The following COX6B1 variants were observed in gnomAD, a reference collection of about 807,000 sequenced individuals.
COX6B1 encodes the protein COX VIb-1.
Under a neutral mutation model 14.0 loss-of-function variants are expected in COX6B1, and 2 were observed. The observed-to-expected ratio is 0.14, with a 90% CI of 0.06 to 0.45. The LOEUF is 0.45. Ranked by LOEUF, COX6B1 falls within the 20% of genes least tolerant of loss-of-function variation. The probability of loss-of-function intolerance (pLI) is 0.98; values close to 1 mark genes in which losing one functional copy is unlikely to be tolerated. For synonymous variants in COX6B1, 30 were observed against 39.7 expected, an observed-to-expected ratio of 0.76 and a Z score of 0.92; for missense variants, 81 against 114.2, an observed-to-expected ratio of 0.71 and a Z score of 1.33.
intron 3 of COX6B1, among the ~76,000 whole-genome samples, chr19:35,658,049 C>G (rs752903206): frequency 1.3e-5 from 2 of 152,152 alleles, no homozygotes; most frequent in South Asian, 2.1e-4. Context: ...ACATCGGCCC[C>G]GCAAAGTGCT....
At chr19:35,656,105 T>TA (rs1967886447) in intron 3 of COX6B1, among the ~76,000 whole-genome samples, 1 of 152,018 alleles carries the variant, frequency 6.6e-6, no homozygotes, top group Admixed American at 6.6e-5. Context: ...GCTGGGATTA[T>TA]AGGCATGAGC....
Position 35,658,741 on chromosome 19 carries a change from A to C in COX6B1, c.*94A>C. The C allele has an allele frequency of 8.9e-7, 1 of 1,127,890 alleles. No homozygotes were observed. The highest frequency in any genetic ancestry group is 1.3e-6 in the Non-Finnish European group (1 of 742,572). 69.9% of individuals were successfully genotyped at this position (1,127,890 alleles called of 1,614,324 possible). A position where few individuals can be genotyped will look rare whatever the true frequency, so the allele number is the denominator to read the frequency against. On this transcript the variant is annotated 3_prime_UTR_variant, in exon 4 of 4. Transcript: ENST00000649813. ...CAGTGATCCCCACCCCAGGATCCTA[A>C]ATCATGACTTACCTGCTAATAAAAA...
intron 2 of COX6B1, among the ~76,000 whole-genome samples, chr19:35,653,735 C>A (rs942304069): frequency 6.6e-6 from 1 of 151,676 alleles, no homozygotes; most frequent in East Asian, 1.9e-4. Context: ...TGCCCGCCAC[C>A]GCGCCCAGCT....
At chr19:35,648,676 G>A (rs1050411704) in intron 1 of COX6B1, 3 of 377,442 alleles carry the variant, frequency 7.9e-6, no homozygotes, top group Non-Finnish European at 1.1e-5. Flanking sequence ...CAGTAAACAG[G>A]CTCAGAGATA....
intron 2 of COX6B1, among the ~76,000 whole-genome samples, chr19:35,651,584 T>A (rs1164605480): frequency 2.0e-5 from 3 of 152,166 alleles, no homozygotes; most frequent in Non-Finnish European, 4.4e-5. Context: ...GTTTTGTTTT[T>A]TTCCAGAGAT....
At chr19:35,648,758 G>A (rs1967788910) in intron 1 of COX6B1, 6 of 495,912 alleles carry the variant, frequency 1.2e-5, no homozygotes, top group Non-Finnish European at 2.5e-5. Context: ...GGCTCTTCAT[G>A]GCTAATTCAC....
chr19:35,652,865 C>T (rs1260593460), intron 2 of COX6B1, among the ~76,000 whole-genome samples: 1 of 151,948 alleles, frequency 6.6e-6, no homozygotes, highest in Non-Finnish European at 1.5e-5. Flanking sequence ...ATGGCACGAT[C>T]TCAGCTCATT....
chr19:35,651,394 G>C, intron 2 of COX6B1, 45 bp downstream of exon 2: 1 of 1,464,824 alleles, frequency 6.8e-7, no homozygotes, highest in South Asian at 1.1e-5. Context: ...GTCACTCACC[G>C]CTTGCCTCTT....
At chr19:35,648,509 G>C (rs546810635) in intron 1 of COX6B1, 106 bp downstream of exon 1, 2 of 220,454 alleles carry the variant, frequency 9.1e-6, no homozygotes, top group Non-Finnish European at 1.9e-5. Flanking sequence ...GCGGCGTCCG[G>C]CCTCCCTGGA....
chr19:35,651,222 T>C lies in COX6B1; in HGVS notation c.-11-11T>C. Reference sequence around the variant, plus strand: ...GGGGCCCCTGCTGACACCCACTCCTTTCGCCTCCAGGATTCAGCACCATGG... The same window carrying C: ...GGGGCCCCTGCTGACACCCACTCCTCTCGCCTCCAGGATTCAGCACCATGG... On this transcript the variant is annotated splice_polypyrimidine_tract_variant and intron_variant, in intron 1 of 3. Transcript: ENST00000649813. 4 of 1,600,580 alleles carry C rather than the reference T, an allele frequency of 2.5e-6. No individual in the cohort carries two copies. Among genetic ancestry groups the C allele is most frequent in the Non-Finnish European group, 3.4e-6 (4 of 1,168,088 alleles).
chr19:35,654,597 A>G lies in COX6B1; in HGVS notation c.133A>G (p.Thr45Ala), dbSNP rs1259331800. The G allele has an allele frequency of 1.2e-6, 2 of 1,614,074 alleles. No individual in the cohort carries two copies. The highest frequency in any genetic ancestry group is 2.2e-5 in the South Asian group (2 of 91,084). ...LDFHRCQKAMTAKGGDISVCE... is the reference protein window; with the variant it reads ...LDFHRCQKAMAAKGGDISVCE... ...CTTCCACCGCTGTCAGAAGGCAATG[A>G]CCGCTAAAGGAGGCGATATCTCTGT... The change falls in exon 3 of 4, where the codon ACC (threonine) becomes GCC (alanine). Residue 45 changes from threonine (T) to alanine (A), a missense_variant. Physicochemically the swap from Thr to Ala is moderately conservative, Grantham distance 58. Coordinates refer to ENST00000649813, the MANE Select transcript of COX6B1 (RefSeq NM_001863.5).
chr19:35,657,761 G>A (rs1216762852), intron 3 of COX6B1, among the ~76,000 whole-genome samples: 2 of 149,300 alleles, frequency 1.3e-5, no homozygotes, highest in Non-Finnish European at 3.0e-5. Flanking sequence ...GGTTCAAGCA[G>A]TTCTCCCACC....
At chr19:35,648,914 G>T (rs1387037917) in intron 1 of COX6B1, 2 of 533,054 alleles carry the variant, frequency 3.8e-6, no homozygotes, top group African/African-American at 3.9e-5. Flanking sequence ...CGCCGGTAAC[G>T]ATCCTTCCTA....
chr19:35,657,017 A>G (rs1376488652), intron 3 of COX6B1, among the ~76,000 whole-genome samples: 1 of 152,072 alleles, frequency 6.6e-6, no homozygotes, highest in Non-Finnish European at 1.5e-5. Context: ...CCTTTTTGGC[A>G]CCAGGGATGA....
At chr19:35,651,100 G>A in intron 1 of COX6B1, 133 bp from the exon 2 acceptor site, 1 of 699,966 alleles carries the variant, frequency 1.4e-6, no homozygotes, top group Non-Finnish European at 2.6e-6. Context: ...TCATCTCTGT[G>A]TATGTTGAGA....
rs898246852 is a variant in COX6B1, at chr19:35,658,771, T to C, written c.*124T>C. ...TGACTTACCTGCTAATAAAAACTCA[T>C]TGGAAAAGTGAGACTATGCGTGTGA... On this transcript the variant is annotated 3_prime_UTR_variant, in exon 4 of 4. Coordinates refer to ENST00000649813, the MANE Select transcript of COX6B1 (RefSeq NM_001863.5). 1.8e-5 allele frequency: 16 copies of C among 902,306 alleles called. No homozygotes were observed. The highest frequency in any genetic ancestry group is 2.1e-4 in the Middle Eastern group (1 of 4,706). The allele number at this position is 902,306 out of a possible 1,614,324, so 55.9% of individuals were successfully genotyped here. A position where few individuals can be genotyped will look rare whatever the true frequency, so the allele number is the denominator to read the frequency against.
intron 1 of COX6B1, among the ~76,000 whole-genome samples, chr19:35,650,077 C>T (rs1448636382): frequency 1.3e-5 from 2 of 151,328 alleles, no homozygotes; most frequent in Non-Finnish European, 2.9e-5. Flanking sequence ...AATCTCGGCT[C>T]ACTACAACCT....
chr19:35,655,282 C>T (rs1034762770), intron 3 of COX6B1, among the ~76,000 whole-genome samples: 1 of 152,168 alleles, frequency 6.6e-6, no homozygotes, highest in Admixed American at 6.6e-5. Context: ...CCTGCCTCGG[C>T]CTCCCAGAGT....
At position 35,657,958 on chromosome 19, in the gene COX6B1, A is replaced by T. The variant is rs562345268; in HGVS notation, c.208-636A>T. Among the ~76,000 whole-genome samples the T allele has an allele frequency of 5.3e-5, 8 of 151,636 alleles. No homozygotes were observed. In the South Asian group the frequency reaches 1.7e-3, roughly 32 times the overall value. On this transcript the variant is annotated intron_variant, in intron 3 of 3. Transcript: ENST00000649813. ...AGGCGTGAGCCACCATGCCCGGCTT[A>T]TTTTTTATTTTTTGTAGAGATGGGG...
Sources: allele counts gnomAD v4.1 joint callset (sites outside exome capture counted in the v4.1 genomes callset), GRCh38; gene constraint gnomAD v4.1.1; transcripts MANE v1.5; gene names NCBI Gene and HGNC (gene_info 2026-07-23, HGNC 2026-07-21).